Variants in MFSD2B observed in about 807,000 individuals in gnomAD.
The protein encoded by MFSD2B is sphingosine-1-phosphate transporter MFSD2B.
Under a neutral mutation model 58.4 loss-of-function variants are expected in MFSD2B, and 56 were observed. The observed-to-expected ratio is 0.96, with a 90% confidence interval of 0.77 to 1.20. The LOEUF (loss-of-function observed/expected upper bound fraction) is 1.20, where lower values mean the gene tolerates loss of function less well. MFSD2B is among the 50% of genes most tolerant of loss of function. MFSD2B has a pLI of 0.00. For missense variants in MFSD2B, 645 were observed against 667.6 expected (o/e 0.97, Z 0.37); for synonymous variants, 287 against 294.4 (o/e 0.97, Z 0.26).
rs1050487803 is a variant in MFSD2B at position 24,020,197 on chromosome 2, G to A, written c.682-1451G>A. On this transcript the variant is annotated intron_variant, in intron 6 of 13. Coordinates refer to ENST00000338315, the MANE Select transcript of MFSD2B (RefSeq NM_001346880.2). This position sits in a 1 kb window ranked among gnomAD's most constrained non-coding sequence, Gnocchi z 4.1. ...GGGAAGGGAAAGTATCAAGGAGTGGGGAGCAGGAGGCTGAGAACCCATGCC... is the reference window on the plus strand; with the variant it reads ...GGGAAGGGAAAGTATCAAGGAGTGGAGAGCAGGAGGCTGAGAACCCATGCC... Among the ~76,000 whole-genome samples, 3 of 152,182 alleles carry A rather than the reference G, an allele frequency of 2.0e-5. No homozygotes were observed. Among genetic ancestry groups the A allele is most frequent in the Admixed American group, 6.5e-5 (1 of 15,280 alleles).
rs543769254 is a variant in MFSD2B at position 24,021,371 on chromosome 2, C to T, written c.682-277C>T. 3.9e-5 allele frequency among the ~76,000 whole-genome samples: 6 copies of T among 152,302 alleles called. No individual in the cohort carries two copies. The South Asian group carries it at 1.2e-3, about 32-fold the overall frequency. On this transcript the variant is annotated intron_variant, in intron 6 of 13. Coordinates refer to ENST00000338315, the MANE Select transcript of MFSD2B (RefSeq NM_001346880.2). This position sits in a 1 kb window ranked among gnomAD's most constrained non-coding sequence, Gnocchi z 5.7. ...AGGCAGCAGCAGTCAATGTTTGCTT[C>T]ATAGAATGTGGGAAGGAGCACTTTG...
intron 2 of MFSD2B, among the ~76,000 whole-genome samples, chr2:24,014,781 G>GA (rs1709081416): frequency 6.6e-6 from 1 of 152,134 alleles, no homozygotes; most frequent in Admixed American, 6.5e-5. Context: ...TTGGCTACCG[G>GA]AGGGAATGAT....
intron 6 of MFSD2B, among the ~76,000 whole-genome samples, chr2:24,019,705 C>A (rs1235268871): frequency 6.6e-6 from 1 of 152,106 alleles, no homozygotes; most frequent in African/African-American, 2.4e-5. Flanking sequence ...CCTGGGCAAT[C>A]ACCTTGCCTA....
chr2:24,016,625 G>A (rs563755933), intron 3 of MFSD2B, among the ~76,000 whole-genome samples: 10 of 152,168 alleles, frequency 6.6e-5, no homozygotes, highest in South Asian at 2.1e-4. Context: ...CACCAGCAGC[G>A]CTGAGAGTGC....
chr2:24,011,694 C>T (rs1252150611), intron 1 of MFSD2B, among the ~76,000 whole-genome samples: 4 of 152,238 alleles, frequency 2.6e-5, no homozygotes, highest in African/African-American at 9.6e-5. Flanking sequence ...ATATACTAAG[C>T]ACCTACTGTA....
Position 24,022,058 on chromosome 2 carries a change from A to G in MFSD2B, c.894+88A>G, listed in dbSNP as rs765693212. 224 of 1,497,786 alleles carry G rather than the reference A, an allele frequency of 1.5e-4. No individual in the cohort carries two copies. The highest frequency in any genetic ancestry group is 1.8e-4 in the Non-Finnish European group (198 of 1,086,114). The allele number at this position is 1,497,786 out of a possible 1,614,324, so 92.8% of individuals were successfully genotyped here. On this transcript the variant is annotated intron_variant, in intron 8 of 13. Coordinates refer to ENST00000338315, the MANE Select transcript of MFSD2B (RefSeq NM_001346880.2). This position sits in a 1 kb window ranked among gnomAD's most constrained non-coding sequence, Gnocchi z 4.5. ...AGGGTGCAGTCTTGGCTTGAGTTTT[A>G]TAGGGAGAAACCTGCGGCTGGCACA...
Position 24,017,188 on chromosome 2 carries a change from G to T in MFSD2B, c.472-98G>T. The stretch of plus-strand genomic sequence containing the variant: ...GTGGCCAGCTGGGATATGTCACGTT[G>T]GCCTGTGGGTGTCGGGATGTGACAC... On this transcript the variant is annotated intron_variant, in intron 4 of 13. Transcript: ENST00000338315. This position sits in a 1 kb window ranked among gnomAD's most constrained non-coding sequence, Gnocchi z 4.8. 7.4e-7 allele frequency: 1 copy of T among 1,351,376 alleles called. No individual in the cohort carries two copies. The highest frequency in any genetic ancestry group is 1.0e-6 in the Non-Finnish European group (1 of 982,558). 83.7% of individuals were successfully genotyped at this position (1,351,376 alleles called of 1,614,324 possible).
In MFSD2B at chr2:24,021,730, A is replaced by G. The variant is rs1426210960; in HGVS notation, c.764A>G (p.Glu255Gly). The G allele has an allele frequency of 3.7e-6, 6 of 1,613,352 alleles. 1 individual carries two copies. The South Asian group carries it at 6.6e-5, about 18-fold the overall frequency. The change falls in exon 7 of 14, where the codon GAG becomes GGG. Residue 255 changes from glutamate to glycine, a missense_variant. Glu to Gly is a moderately conservative substitution (Grantham distance 98). Coordinates refer to ENST00000338315, the MANE Select transcript of MFSD2B (RefSeq NM_001346880.2). This position sits in a 1 kb window ranked among gnomAD's most constrained non-coding sequence, Gnocchi z 5.7. ...CISLLCLGVK[E>G]RPDPSAPASG... ...AGTTTACTGTGCCTAGGGGTGAAGG[A>G]GCGGCCAGGTATGGGGTTTGGTGAG...
rs1208353148 is a variant in MFSD2B, at chr2:24,012,151, A to AAC, written c.97-1106_97-1105dup. Among the ~76,000 whole-genome samples, 229 of 76,430 alleles carry AAC rather than the reference A, an allele frequency of 3.0e-3. 2 individuals are homozygous for AAC. Among genetic ancestry groups the AAC allele is most frequent in the South Asian group, 0.019 (28 of 1,512 alleles). 50.1% of individuals were successfully genotyped at this position (76,430 alleles called of 152,430 possible). ...TGGAAACAAACAAACAAACAAACAA[A>AAC]ACACACACACACACACACACACACA... On this transcript the variant is annotated intron_variant, in intron 1 of 13. Transcript: ENST00000338315. The surrounding 1 kb of genome is among the most constrained non-coding windows in gnomAD (Gnocchi z 4.5).
Position 24,026,197 on chromosome 2 carries a change from A to G in MFSD2B, c.*741A>G, listed in dbSNP as rs1662972928. The G allele has an allele frequency of 6.6e-6, 1 of 152,238 alleles. No individual in the cohort carries two copies. Among genetic ancestry groups the G allele is most frequent in the Admixed American group, 6.5e-5 (1 of 15,274 alleles). 9.4% of individuals were successfully genotyped at this position (152,238 alleles called of 1,614,324 possible). Reference sequence around the variant, plus strand: ...CTAATATCACAGCCATGTTAGAACAAATTTGGGTTTTCAAAACAAGCGTAA... The same window carrying G: ...CTAATATCACAGCCATGTTAGAACAGATTTGGGTTTTCAAAACAAGCGTAA... On this transcript the variant is annotated 3_prime_UTR_variant, in exon 14 of 14. Coordinates refer to ENST00000338315, the MANE Select transcript of MFSD2B (RefSeq NM_001346880.2).
intron 6 of MFSD2B, among the ~76,000 whole-genome samples, chr2:24,019,788 G>A (rs1662697286): frequency 6.6e-6 from 1 of 152,202 alleles, no homozygotes; most frequent in Admixed American, 6.5e-5. Flanking sequence ...TACTGCCCCA[G>A]CCAGGGGATT....
At chr2:24,013,206 A>G (rs918608671) in intron 1 of MFSD2B, 79 bp from the exon 2 acceptor site, 14 of 1,409,296 alleles carry the variant, frequency 9.9e-6, no homozygotes, top group Middle Eastern at 2.2e-4. Flanking sequence ...GAGACTCAGG[A>G]TGTTTACTGA....
In MFSD2B at chr2:24,024,004, G is replaced by C; in HGVS notation, c.1314-91G>C. Reference sequence around the variant, plus strand: ...AGGAAATGAAGTCCACGTTTCAGGAGGGGGTGGGGTGGGGTGAGGTGTCGA... The same window carrying C: ...AGGAAATGAAGTCCACGTTTCAGGACGGGGTGGGGTGGGGTGAGGTGTCGA... On this transcript the variant is annotated intron_variant, in intron 12 of 13. Transcript: ENST00000338315. This position sits in a 1 kb window ranked among gnomAD's most constrained non-coding sequence, Gnocchi z 4.3. 7.7e-7 allele frequency: 1 copy of C among 1,305,300 alleles called. No individual in the cohort carries two copies. Among genetic ancestry groups the C allele is most frequent in the Non-Finnish European group, 1.1e-6 (1 of 930,844 alleles). The allele number at this position is 1,305,300 out of a possible 1,614,324, so 80.9% of individuals were successfully genotyped here.
In MFSD2B at chr2:24,024,679, C is replaced by T. The variant is rs1027377265; in HGVS notation, c.1490+408C>T. On this transcript the variant is annotated intron_variant, in intron 13 of 13. Coordinates refer to ENST00000338315, the MANE Select transcript of MFSD2B (RefSeq NM_001346880.2). This position sits in a 1 kb window ranked among gnomAD's most constrained non-coding sequence, Gnocchi z 4.3. ...CATGTGGACATTTCCACCTAGTAGCCCACAAGCCTGGCACTCAGTCTCGAT... is the reference window on the plus strand; with the variant it reads ...CATGTGGACATTTCCACCTAGTAGCTCACAAGCCTGGCACTCAGTCTCGAT... 6.6e-6 allele frequency among the ~76,000 whole-genome samples: 1 copy of T among 152,142 alleles called. No individual in the cohort carries two copies. The highest frequency in any genetic ancestry group is 1.5e-5 in the Non-Finnish European group (1 of 68,028).
In MFSD2B at chr2:24,023,931, C is replaced by T. The variant is rs1237817809; in HGVS notation, c.1314-164C>T. ...TCCCCTATTCTCAGTTCCCTCTAAA[C>T]TCTCCCAGGTCAGCCTGTCACCTTG... is the stretch of plus-strand genomic sequence containing the variant. On this transcript the variant is annotated intron_variant, in intron 12 of 13. Coordinates refer to ENST00000338315, the MANE Select transcript of MFSD2B (RefSeq NM_001346880.2). This position sits in a 1 kb window ranked among gnomAD's most constrained non-coding sequence, Gnocchi z 5.0. 6.6e-6 allele frequency among the ~76,000 whole-genome samples: 1 copy of T among 152,206 alleles called. No homozygotes were observed. Among genetic ancestry groups the T allele is most frequent in the East Asian group, 1.9e-4 (1 of 5,192 alleles).
At position 24,023,554 on chromosome 2, in the gene MFSD2B, G is replaced by A; in HGVS notation, c.1170-29G>A. 1 of 1,604,518 alleles carries A rather than the reference G, an allele frequency of 6.2e-7. No homozygotes were observed. Among genetic ancestry groups the A allele is most frequent in the South Asian group, 1.1e-5 (1 of 89,920 alleles). ...CAGGCTGCTGGTGGCCAAGGGGCTA[G>A]GAGGGCTAACTCCACACCCCCGCCG... On this transcript the variant is annotated intron_variant, in intron 11 of 13. Coordinates refer to ENST00000338315, the MANE Select transcript of MFSD2B (RefSeq NM_001346880.2). This position sits in a 1 kb window ranked among gnomAD's most constrained non-coding sequence, Gnocchi z 5.0.
At position 24,023,037 on chromosome 2, in the gene MFSD2B, C is replaced by A; in HGVS notation, c.1060-93C>A. 3.0e-6 allele frequency: 4 copies of A among 1,348,472 alleles called. No individual in the cohort carries two copies. Among genetic ancestry groups the A allele is most frequent in the Middle Eastern group, 1.8e-4 (1 of 5,500 alleles). 83.5% of individuals were successfully genotyped at this position (1,348,472 alleles called of 1,614,324 possible). A position where few individuals can be genotyped will look rare whatever the true frequency, so the allele number is the denominator to read the frequency against. On this transcript the variant is annotated intron_variant, in intron 10 of 13. Coordinates refer to ENST00000338315, the MANE Select transcript of MFSD2B (RefSeq NM_001346880.2). The surrounding 1 kb of genome is among the most constrained non-coding windows in gnomAD (Gnocchi z 5.0). ...TGAGTCTTTAGGGCCTAGCACAGGGCAAGGCATGGGGGTCGTCAGTCGAGT... is the reference window on the plus strand; with the variant it reads ...TGAGTCTTTAGGGCCTAGCACAGGGAAAGGCATGGGGGTCGTCAGTCGAGT...
Position 24,021,739 on chromosome 2 carries a change from G to C in MFSD2B, c.772+1G>C, listed in dbSNP as rs1662795523. On this transcript the variant is annotated splice_donor_variant, in intron 7 of 13. Coordinates refer to ENST00000338315, the MANE Select transcript of MFSD2B (RefSeq NM_001346880.2). LOFTEE classifies it high-confidence loss of function. This position sits in a 1 kb window ranked among gnomAD's most constrained non-coding sequence, Gnocchi z 5.7. ...TGCCTAGGGGTGAAGGAGCGGCCAG[G>C]TATGGGGTTTGGTGAGGAGGGAAGC... 1 of 1,613,410 alleles carries C rather than the reference G, an allele frequency of 6.2e-7. No homozygotes were observed. The highest frequency in any genetic ancestry group is 8.5e-7 in the Non-Finnish European group (1 of 1,179,648).
At position 24,022,546 on chromosome 2, in the gene MFSD2B, G is replaced by A; in HGVS notation, c.978+30G>A. ...GGGGGCCTGGGGTGGTGGAGGCTAG[G>A]TCACTTGGGGCCCTGAGCTGGGGAC... On this transcript the variant is annotated intron_variant, in intron 9 of 13. Transcript: ENST00000338315. The surrounding 1 kb of genome is among the most constrained non-coding windows in gnomAD (Gnocchi z 4.5). The A allele has an allele frequency of 1.3e-6, 2 of 1,567,272 alleles. No homozygotes were observed. Among genetic ancestry groups the A allele is most frequent in the Non-Finnish European group, 1.7e-6 (2 of 1,145,864 alleles).
Sources: allele counts gnomAD v4.1 joint callset (sites outside exome capture counted in the v4.1 genomes callset), GRCh38; gene constraint gnomAD v4.1.1; non-coding constraint Gnocchi (gnomAD v3.1); transcripts MANE v1.5; gene names NCBI Gene and HGNC (gene_info 2026-07-23, HGNC 2026-07-21).